The following INPP4B variants were observed in gnomAD, a reference collection of about 807,000 sequenced individuals.
The protein encoded by INPP4B is inositol polyphosphate 4-phosphatase type II.
In INPP4B, 55 loss-of-function variants were observed where a neutral mutation model predicts 122.5. That is an observed-to-expected ratio of 0.45 (90% CI 0.36 to 0.56). The LOEUF is 0.56. INPP4B is among the 20% of genes least tolerant of loss of function. The pLI, the probability that INPP4B is intolerant of heterozygous loss-of-function variation, is 0.00. For missense variants in INPP4B, 1,000 were observed against 1,097.7 expected (o/e 0.91, Z 1.26); for synonymous variants, 403 against 388.7 (o/e 1.04, Z -0.43).
chr4:142,188,786 G>A (rs1483242536), intron 15 of INPP4B, among the ~76,000 whole-genome samples: 2 of 151,992 alleles, frequency 1.3e-5, no homozygotes, highest in Non-Finnish European at 2.9e-5. Context: ...TCTTAAGAAT[G>A]GAAGTGAAGG....
intron 1 of INPP4B, among the ~76,000 whole-genome samples, chr4:142,792,124 G>T (rs192534938): frequency 3.0e-4 from 45 of 152,070 alleles, no homozygotes; most frequent in African/African-American, 1.0e-3. Context: ...GTGGTCCTGT[G>T]CCTGTAGTCC....
At chr4:142,104,061 A>G (rs1209137497) in intron 23 of INPP4B, among the ~76,000 whole-genome samples, 1 of 152,154 alleles carries the variant, frequency 6.6e-6, no homozygotes, top group Non-Finnish European at 1.5e-5. Flanking sequence ...AGGAATCATT[A>G]TGGTACAATT....
chr4:142,213,773 C>T (rs72939254), intron 12 of INPP4B, among the ~76,000 whole-genome samples: 8,601 of 152,210 alleles, frequency 0.057, 467 homozygotes, highest in East Asian at 0.2. Context: ...ACCAAGTAAA[C>T]GGTTTGCTGA....
intron 1 of INPP4B, among the ~76,000 whole-genome samples, chr4:142,787,802 A>C (rs996682297): frequency 2.6e-5 from 4 of 152,142 alleles, no homozygotes; most frequent in Non-Finnish European, 5.9e-5. Flanking sequence ...ACACATAAAA[A>C]GGCAAATGGT....
chr4:142,483,528 G>T (rs966860433), intron 2 of INPP4B, among the ~76,000 whole-genome samples: 2 of 152,004 alleles, frequency 1.3e-5, no homozygotes, highest in African/African-American at 4.8e-5. Flanking sequence ...AGTCAATTGT[G>T]TAAACTTGAA....
intron 2 of INPP4B, among the ~76,000 whole-genome samples, chr4:142,464,001 C>T (rs987214910): frequency 6.6e-6 from 1 of 152,094 alleles, no homozygotes; most frequent in Non-Finnish European, 1.5e-5. Flanking sequence ...CCCAATACAA[C>T]CACCCTATAA....
At chr4:142,295,632 T>C (rs138350203) in intron 9 of INPP4B, among the ~76,000 whole-genome samples, 5 of 152,302 alleles carry the variant, frequency 3.3e-5, no homozygotes, top group Non-Finnish European at 7.3e-5. Flanking sequence ...TTCAAATTAA[T>C]TTAAGAAAAG....
intron 2 of INPP4B, among the ~76,000 whole-genome samples, chr4:142,563,262 T>A (rs1041192441): frequency 1.3e-5 from 2 of 152,188 alleles, no homozygotes; most frequent in African/African-American, 4.8e-5. Flanking sequence ...GTACTTAGAG[T>A]CCACAGTTTG....
chr4:142,191,964 A>G (rs554242624), intron 15 of INPP4B, among the ~76,000 whole-genome samples: 5 of 152,180 alleles, frequency 3.3e-5, no homozygotes, highest in Admixed American at 2.6e-4. Flanking sequence ...CCTCCTTTAA[A>G]TGCTTTCTTC....
intron 9 of INPP4B, among the ~76,000 whole-genome samples, chr4:142,272,078 C>T (rs561130676): frequency 3.3e-5 from 5 of 152,182 alleles, no homozygotes; most frequent in Non-Finnish European, 5.9e-5. Context: ...AGTCATGTGA[C>T]GTCTCATTTT....
At chr4:142,190,198 T>C (rs953562032) in intron 15 of INPP4B, among the ~76,000 whole-genome samples, 8 of 27,356 alleles carry the variant, frequency 2.9e-4, no homozygotes, top group Middle Eastern at 0.012. Context: ...TGTTTGTTTG[T>C]TTATTTTTGT....
chr4:142,043,633 A>G (rs981750098), intron 25 of INPP4B, among the ~76,000 whole-genome samples: 1 of 152,208 alleles, frequency 6.6e-6, no homozygotes, highest in African/African-American at 2.4e-5. Context: ...GGAGGCAAAA[A>G]AAAAATGAAA....
At chr4:142,282,842 A>G (rs1472941979) in intron 9 of INPP4B, among the ~76,000 whole-genome samples, 2 of 152,106 alleles carry the variant, frequency 1.3e-5, no homozygotes, top group Non-Finnish European at 2.9e-5. Context: ...GGTGTTATGT[A>G]GAGCAGCTGC....
chr4:142,358,660 A>AAC (rs1554042097), intron 7 of INPP4B, among the ~76,000 whole-genome samples: 6 of 150,970 alleles, frequency 4.0e-5, no homozygotes, highest in African/African-American at 1.2e-4. Context: ...TAAAAAAAAA[A>AAC]AAAAAAAAAA....
intron 1 of INPP4B, among the ~76,000 whole-genome samples, chr4:142,735,420 T>C (rs1766712429): frequency 6.6e-6 from 1 of 152,132 alleles, no homozygotes. Context: ...ATAAAACTAA[T>C]CCTTCAGTAC....
intron 7 of INPP4B, among the ~76,000 whole-genome samples, chr4:142,355,198 G>T (rs1208151413): frequency 6.6e-6 from 1 of 152,022 alleles, no homozygotes; most frequent in African/African-American, 2.4e-5. Context: ...CACTTCTGTT[G>T]CATTCTATCA....
At chr4:142,331,917 G>C (rs1007213502) in intron 7 of INPP4B, among the ~76,000 whole-genome samples, 1 of 151,416 alleles carries the variant, frequency 6.6e-6, no homozygotes, top group African/African-American at 2.4e-5. Flanking sequence ...TGGGGGGGTG[G>C]GGGGTGGAGG....
chr4:142,580,075 C>T (rs189760021), intron 2 of INPP4B, among the ~76,000 whole-genome samples: 51 of 150,874 alleles, frequency 3.4e-4, no homozygotes, highest in Non-Finnish European at 3.0e-5. Context: ...GTGGAGGGAG[C>T]TGTGGAATGA....
rs140378441 is a variant in INPP4B, at chr4:142,517,662, C to A, written c.-190-54936G>T. Among the ~76,000 whole-genome samples, 653 of 152,242 alleles carry A rather than the reference C, an allele frequency of 4.3e-3. 3 individuals carry two copies. Among genetic ancestry groups the A allele is most frequent in the African/African-American group, 0.015 (638 of 41,544 alleles). On this transcript the variant is annotated intron_variant, in intron 2 of 25. Coordinates refer to ENST00000262992, the MANE Select transcript of INPP4B (RefSeq NM_001101669.3). ...CTCCTCTTCAAAACGTCTTAAGTTG[C>A]TCTTGCCATTTACTTTAGCAGCCCA...
Sources: allele counts gnomAD v4.1 joint callset (sites outside exome capture counted in the v4.1 genomes callset), GRCh38; gene constraint gnomAD v4.1.1; transcripts MANE v1.5; gene names NCBI Gene and HGNC (gene_info 2026-07-23, HGNC 2026-07-21).